The following TIMP3 variants were observed in gnomAD, a reference collection of about 807,000 sequenced individuals.
TIMP3 encodes the protein TIMP metallopeptidase inhibitor 3, also known as metalloproteinase inhibitor 3.
Under a neutral mutation model 30.0 loss-of-function variants are expected in TIMP3, and 11 were observed. The ratio of observed to expected loss-of-function variants is 0.37; its 90% CI spans 0.23 to 0.61. TIMP3 has a LOEUF of 0.61. TIMP3 is among the 20% of genes least tolerant of loss of function. TIMP3 has a pLI of 0.70. For synonymous variants in TIMP3, 112 were observed against 111.3 expected, an observed-to-expected ratio of 1.01 and a Z score of -0.04; for missense variants, 181 against 276.8, an observed-to-expected ratio of 0.65 and a Z score of 2.45.
intron 1 of TIMP3, among the ~76,000 whole-genome samples, chr22:32,844,550 G>A (rs2048007417): frequency 6.6e-6 from 1 of 152,154 alleles, no homozygotes; most frequent in African/African-American, 2.4e-5. Context: ...TCTATGCCTG[G>A]CTTCTCAGGC....
chr22:32,801,978 CCGGCAGCGG>C lies in TIMP3; in HGVS notation c.-16_-8del, dbSNP rs772087197. ...AACTTTGGAGAGGCGAGCAGCAGCC[CCGGCAGCGG>C]CGGCAGCAGCGGCAATGACCCCTTG... On this transcript the variant is annotated 5_prime_UTR_variant, in exon 1 of 5. Transcript: ENST00000266085. The surrounding 1 kb of genome is among the most constrained non-coding windows in gnomAD (Gnocchi z 4.7). 9.5e-6 allele frequency: 15 copies of C among 1,581,310 alleles called. No individual in the cohort carries two copies. Among genetic ancestry groups the C allele is most frequent in the Admixed American group, 3.5e-5 (2 of 57,288 alleles).
intron 1 of TIMP3, among the ~76,000 whole-genome samples, chr22:32,810,858 A>T (rs2046897852): frequency 6.6e-6 from 1 of 152,066 alleles, no homozygotes; most frequent in South Asian, 2.1e-4. Flanking sequence ...TTTGACTTAG[A>T]CTTTATCATC....
At chr22:32,830,054 G>A (rs1231172795) in intron 1 of TIMP3, among the ~76,000 whole-genome samples, 6 of 152,186 alleles carry the variant, frequency 3.9e-5, no homozygotes, top group Non-Finnish European at 8.8e-5. Flanking sequence ...CCAAACAAGA[G>A]TAAGTGGGGC....
At chr22:32,840,426 T>C (rs2146192524) in intron 1 of TIMP3, among the ~76,000 whole-genome samples, 1 of 152,180 alleles carries the variant, frequency 6.6e-6, no homozygotes, top group Non-Finnish European at 1.5e-5. Flanking sequence ...CAGGGTAGGA[T>C]GCAGGAAAAG....
intron 1 of TIMP3, among the ~76,000 whole-genome samples, chr22:32,834,197 G>A (rs936151674): frequency 6.6e-6 from 1 of 151,922 alleles, no homozygotes; most frequent in Non-Finnish European, 1.5e-5. Context: ...TTCTTGCCCA[G>A]GCTGGAGTGC....
In TIMP3 at chr22:32,862,381, C is replaced by G. The variant is rs534327408; in HGVS notation, c.*3004C>G. On this transcript the variant is annotated 3_prime_UTR_variant, in exon 5 of 5. Transcript: ENST00000266085. ...CTGGGAGACTCCTGTCTTTTACCCTCCCCTCGTTCCAGACCTGCCTCATGG... is the reference window on the plus strand; with the variant it reads ...CTGGGAGACTCCTGTCTTTTACCCTGCCCTCGTTCCAGACCTGCCTCATGG... 1 of 152,236 alleles carries G rather than the reference C, an allele frequency of 6.6e-6. No individual in the cohort carries two copies. The highest frequency in any genetic ancestry group is 6.5e-5 in the Admixed American group (1 of 15,284). 9.4% of individuals were successfully genotyped at this position (152,236 alleles called of 1,614,324 possible). A position where few individuals can be genotyped will look rare whatever the true frequency, so the allele number is the denominator to read the frequency against.
intron 1 of TIMP3, among the ~76,000 whole-genome samples, chr22:32,840,704 C>G (rs2047874525): frequency 6.6e-6 from 1 of 152,152 alleles, no homozygotes; most frequent in East Asian, 1.9e-4. Flanking sequence ...ACGCAGCAAA[C>G]TGAGTCTCTT....
intron 2 of TIMP3, among the ~76,000 whole-genome samples, chr22:32,850,498 G>GT: frequency 6.6e-6 from 1 of 152,220 alleles, no homozygotes; most frequent in South Asian, 2.1e-4. Context: ...TCAGCAACTG[G>GT]TTCATCACCC....
At chr22:32,807,667 A>G (rs952420152) in intron 1 of TIMP3, among the ~76,000 whole-genome samples, 2 of 150,892 alleles carry the variant, frequency 1.3e-5, no homozygotes, top group Non-Finnish European at 2.9e-5. Context: ...AGCAAGGAAT[A>G]CAGCCTGTAT....
At chr22:32,839,511 C>T (rs2047833638) in intron 1 of TIMP3, among the ~76,000 whole-genome samples, 1 of 152,116 alleles carries the variant, frequency 6.6e-6, no homozygotes, top group Non-Finnish European at 1.5e-5. Context: ...GATTCACAGT[C>T]CTCCCTCCCC....
intron 1 of TIMP3, among the ~76,000 whole-genome samples, chr22:32,839,230 C>G (rs1485272330): frequency 3.3e-5 from 5 of 152,134 alleles, no homozygotes; most frequent in African/African-American, 1.2e-4. Context: ...GCAGAATAAT[C>G]CTGTAGATAC....
chr22:32,848,725 T>C (rs895059346), intron 1 of TIMP3, among the ~76,000 whole-genome samples: 7 of 152,222 alleles, frequency 4.6e-5, no homozygotes, highest in African/African-American at 1.4e-4. Flanking sequence ...TCCTGTTTTA[T>C]AGAAGAGGAG....
At chr22:32,818,673 G>T (rs2047152507) in intron 1 of TIMP3, among the ~76,000 whole-genome samples, 1 of 152,172 alleles carries the variant, frequency 6.6e-6, no homozygotes, top group African/African-American at 2.4e-5. Context: ...TGGGCCTCCT[G>T]CTTGGCCTCC....
At chr22:32,851,336 T>C (rs556159984) in intron 2 of TIMP3, among the ~76,000 whole-genome samples, 4 of 152,262 alleles carry the variant, frequency 2.6e-5, no homozygotes, top group Admixed American at 2.0e-4. Flanking sequence ...CCTGGTTTCC[T>C]TCCTACCATC....
At chr22:32,848,674 T>A (rs1403931693) in intron 1 of TIMP3, among the ~76,000 whole-genome samples, 1 of 152,262 alleles carries the variant, frequency 6.6e-6, no homozygotes, top group African/African-American at 2.4e-5. Context: ...TTTGTCATCT[T>A]GACTAATCCC....
chr22:32,851,156 T>G (rs553942631), intron 2 of TIMP3, among the ~76,000 whole-genome samples: 3 of 152,192 alleles, frequency 2.0e-5, no homozygotes, highest in South Asian at 4.2e-4. Flanking sequence ...AAAAGCCCAC[T>G]TTGCAACCTC....
At position 32,851,853 on chromosome 22, in the gene TIMP3, G is replaced by A. The variant is rs1417959997; in HGVS notation, c.204+2319G>A. Among the ~76,000 whole-genome samples, 8 of 152,062 alleles carry A rather than the reference G, an allele frequency of 5.3e-5. No individual in the cohort carries two copies. The South Asian group carries it at 1.7e-3, about 32-fold the overall frequency. On this transcript the variant is annotated intron_variant, in intron 2 of 4. Transcript: ENST00000266085. ...GAACTGGTCAGTGCCCTTCTATCCA[G>A]AGACACCACTGGAATCTGCTTGTCT...
chr22:32,812,269 T>G (rs528374316), intron 1 of TIMP3, among the ~76,000 whole-genome samples: 2 of 152,322 alleles, frequency 1.3e-5, no homozygotes, highest in African/African-American at 4.8e-5. Context: ...AGTAGGTAAC[T>G]TTGTTAGAAA....
intron 1 of TIMP3, among the ~76,000 whole-genome samples, chr22:32,805,264 G>A (rs1178290010): frequency 6.6e-6 from 1 of 152,148 alleles, no homozygotes; most frequent in Non-Finnish European, 1.5e-5. Flanking sequence ...AGCCCCAGAG[G>A]ATGGCCCCTG....
Sources: gnomAD v4.1 joint callset for allele counts (sites outside exome capture counted in the v4.1 genomes callset) on GRCh38, gnomAD v4.1.1 for gene constraint, Gnocchi (gnomAD v3.1) non-coding constraint, MANE v1.5 for transcripts, NCBI Gene and HGNC (gene_info 2026-07-23, HGNC 2026-07-21) for gene names.